Variants in PTPN14 observed in about 807,000 individuals in gnomAD.
PTPN14 encodes the protein tyrosine-protein phosphatase non-receptor type 14.
In PTPN14, 53 loss-of-function variants were observed where a neutral mutation model predicts 126.8. The ratio of observed to expected loss-of-function variants is 0.42; its 90% confidence interval spans 0.34 to 0.53. The LOEUF is 0.53. PTPN14 is among the 20% of genes least tolerant of loss of function. The probability of loss-of-function intolerance (pLI) is 0.08; values close to 1 mark genes in which losing one functional copy is unlikely to be tolerated. For missense variants in PTPN14, 1,257 were observed against 1,552.9 expected (o/e 0.81, Z 3.20); for synonymous variants, 630 against 599.3 (o/e 1.05, Z -0.75).
intron 8 of PTPN14, among the ~76,000 whole-genome samples, chr1:214,396,759 C>T (rs1200553500): frequency 1.3e-5 from 2 of 152,162 alleles, no homozygotes; most frequent in African/African-American, 4.8e-5. Flanking sequence ...GTGTGCAAGA[C>T]TTGTTTACTT....
chr1:214,381,767 C>T (rs928507327), intron 13 of PTPN14, among the ~76,000 whole-genome samples: 2 of 152,160 alleles, frequency 1.3e-5, no homozygotes, highest in Admixed American at 6.5e-5. Flanking sequence ...ACAACTGTTT[C>T]GGAGTTCCTA....
chr1:214,542,301 A>G (rs1232820416), intron 1 of PTPN14, among the ~76,000 whole-genome samples: 2 of 152,244 alleles, frequency 1.3e-5, no homozygotes, highest in African/African-American at 4.8e-5. Flanking sequence ...AATATCAGAC[A>G]TACCTTAGAA....
chr1:214,461,403 C>T (rs1051902834), intron 2 of PTPN14, among the ~76,000 whole-genome samples: 8 of 151,956 alleles, frequency 5.3e-5, no homozygotes, highest in Non-Finnish European at 1.2e-4. Flanking sequence ...GAGGCTGAGG[C>T]GGGAGGATCA....
rs545789955 is a variant in PTPN14, at chr1:214,356,896, A to G, written c.*1026T>C. On this transcript the variant is annotated 3_prime_UTR_variant, in exon 19 of 19. Coordinates refer to ENST00000366956, the MANE Select transcript of PTPN14 (RefSeq NM_005401.5). ...CCTTTCCAATGACTTAGTGACCTCA[A>G]CTTTTAGGTCTCTGTCCAGCACACA... The G allele has an allele frequency of 6.6e-6, 1 of 152,144 alleles. No individual in the cohort carries two copies. Among genetic ancestry groups the G allele is most frequent in the Non-Finnish European group, 1.5e-5 (1 of 68,040 alleles). 9.4% of individuals were successfully genotyped at this position (152,144 alleles called of 1,614,324 possible). A position where few individuals can be genotyped will look rare whatever the true frequency, so the allele number is the denominator to read the frequency against.
At chr1:214,490,797 A>G (rs1249253117) in intron 1 of PTPN14, among the ~76,000 whole-genome samples, 9 of 141,242 alleles carry the variant, frequency 6.4e-5, no homozygotes, top group African/African-American at 2.4e-4. Flanking sequence ...AGATTGCGCC[A>G]CTGCACTCCA....
intron 1 of PTPN14, among the ~76,000 whole-genome samples, chr1:214,491,398 C>G (rs1661248529): frequency 6.6e-6 from 1 of 152,172 alleles, no homozygotes; most frequent in Admixed American, 6.5e-5. Context: ...ACCTTTTTGA[C>G]ACTAGGGACT....
At chr1:214,494,456 C>T (rs1464622300) in intron 1 of PTPN14, among the ~76,000 whole-genome samples, 7 of 152,242 alleles carry the variant, frequency 4.6e-5, no homozygotes, top group East Asian at 3.9e-4. Context: ...GAGAGGTTGG[C>T]GATTCCTGCC....
Position 214,357,772 on chromosome 1 carries a change from T to G in PTPN14, c.*150A>C. On this transcript the variant is annotated 3_prime_UTR_variant, in exon 19 of 19. Coordinates refer to ENST00000366956, the MANE Select transcript of PTPN14 (RefSeq NM_005401.5). ...TTATCTCATATAAAATAATACATGG[T>G]ATGTGTGAATAATCTTGGCTACTGT... 1 of 583,570 alleles carries G rather than the reference T, an allele frequency of 1.7e-6. No homozygotes were observed. Among genetic ancestry groups the G allele is most frequent in the Non-Finnish European group, 3.1e-6 (1 of 324,128 alleles). 36.1% of individuals were successfully genotyped at this position (583,570 alleles called of 1,614,324 possible). A position where few individuals can be genotyped will look rare whatever the true frequency, so the allele number is the denominator to read the frequency against.
chr1:214,456,065 A>G (rs941296370), intron 2 of PTPN14, among the ~76,000 whole-genome samples: 1 of 152,096 alleles, frequency 6.6e-6, no homozygotes, highest in Non-Finnish European at 1.5e-5. Flanking sequence ...AGCTATTAAA[A>G]GGGAAATATT....
intron 1 of PTPN14, among the ~76,000 whole-genome samples, chr1:214,486,613 C>T (rs1388828196): frequency 2.0e-5 from 3 of 152,030 alleles, no homozygotes; most frequent in Non-Finnish European, 4.4e-5. Flanking sequence ...ACCCAGGGCC[C>T]AGAACAAAAC....
intron 1 of PTPN14, chr1:214,528,275 A>T (rs1655452067): frequency 6.6e-6 from 1 of 152,238 alleles, no homozygotes; most frequent in African/African-American, 2.4e-5. Flanking sequence ...CACTATATGT[A>T]CAAAGACGTT....
chr1:214,489,904 G>A lies in PTPN14; in HGVS notation c.-154-24947C>T, dbSNP rs375765759. On this transcript the variant is annotated intron_variant, in intron 1 of 18. Transcript: ENST00000366956. ...TAACCTCTCTAAGCCTCAGTGTCTC[G>A]TCTATAAAATAAAGGCTAACAGTAG... Among the ~76,000 whole-genome samples, 22 of 152,272 alleles carry A rather than the reference G, an allele frequency of 1.4e-4. No homozygotes were observed. The East Asian group carries it at 1.9e-3, about 13-fold the overall frequency.
intron 2 of PTPN14, among the ~76,000 whole-genome samples, chr1:214,460,533 A>G (rs1572013983): frequency 6.7e-6 from 1 of 149,444 alleles, no homozygotes; most frequent in Non-Finnish European, 1.5e-5. Flanking sequence ...CAACACACAC[A>G]CACACACACA....
rs1259701149 is a variant in PTPN14, at chr1:214,352,391, C to T, written c.*5531G>A. On this transcript the variant is annotated 3_prime_UTR_variant, in exon 19 of 19. Coordinates refer to ENST00000366956, the MANE Select transcript of PTPN14 (RefSeq NM_005401.5). ...CAGAAACACAAAAGCTGAGAGCAGGCTGGATAAAGGCTGAGTGTTGATGGC... is the reference window on the plus strand; with the variant it reads ...CAGAAACACAAAAGCTGAGAGCAGGTTGGATAAAGGCTGAGTGTTGATGGC... 2 of 152,220 alleles carry T rather than the reference C, an allele frequency of 1.3e-5. No homozygotes were observed. The highest frequency in any genetic ancestry group is 4.8e-5 in the African/African-American group (2 of 41,454). The allele number at this position is 152,220 out of a possible 1,614,324, so 9.4% of individuals were successfully genotyped here. A position where few individuals can be genotyped will look rare whatever the true frequency, so the allele number is the denominator to read the frequency against.
chr1:214,463,965 A>ATT (rs1558114308), intron 2 of PTPN14, among the ~76,000 whole-genome samples: 3 of 152,176 alleles, frequency 2.0e-5, no homozygotes, highest in Middle Eastern at 3.2e-3. Flanking sequence ...GCTGTCAAAA[A>ATT]CAACATACTG....
At chr1:214,403,083 G>A (rs1234050297) in intron 5 of PTPN14, 130 bp from the exon 6 acceptor site, 9 of 826,544 alleles carry the variant, frequency 1.1e-5, no homozygotes, top group Non-Finnish European at 1.4e-5. Flanking sequence ...CTTTACTGCT[G>A]TAGAATTAAA....
chr1:214,376,616 T>G (rs1263968841), intron 14 of PTPN14, among the ~76,000 whole-genome samples, 179 bp from the exon 15 acceptor site: 2 of 152,240 alleles, frequency 1.3e-5, no homozygotes, highest in African/African-American at 4.8e-5. Context: ...ATAACCATTT[T>G]CCTTCTTACT....
intron 1 of PTPN14, among the ~76,000 whole-genome samples, chr1:214,471,302 T>C (rs1660754057): frequency 6.6e-6 from 1 of 152,030 alleles, no homozygotes; most frequent in South Asian, 2.1e-4. Context: ...AGAACCAAGG[T>C]TTACTATTAG....
intron 1 of PTPN14, among the ~76,000 whole-genome samples, chr1:214,505,727 C>T (rs921396423): frequency 2.6e-5 from 4 of 152,088 alleles, no homozygotes; most frequent in Non-Finnish European, 5.9e-5. Flanking sequence ...AAGACGTCAC[C>T]TCTCCCAAAA....
Sources: allele counts gnomAD v4.1 joint callset (sites outside exome capture counted in the v4.1 genomes callset), GRCh38; gene constraint gnomAD v4.1.1; transcripts MANE v1.5; gene names NCBI Gene and HGNC (gene_info 2026-07-23, HGNC 2026-07-21).